The following ADCY3 variants were observed in gnomAD, a reference collection of about 807,000 sequenced individuals.
ADCY3 encodes adenylate cyclase 3.
ADCY3 carries 70 observed loss-of-function variants against 119.4 expected under a neutral mutation model. The observed-to-expected ratio is 0.59, with a 90% CI of 0.48 to 0.72. The LOEUF is 0.72. ADCY3 is among the 30% of genes least tolerant of loss of function. ADCY3 has a pLI of 0.00. For synonymous variants in ADCY3, 672 were observed against 621.4 expected, an observed-to-expected ratio of 1.08 and a Z score of -1.21; for missense variants, 1,238 against 1,541.6, an observed-to-expected ratio of 0.80 and a Z score of 3.30.
chr2:24,881,259 C>A (rs1490155753), intron 2 of ADCY3, among the ~76,000 whole-genome samples: 3 of 152,206 alleles, frequency 2.0e-5, no homozygotes, highest in African/African-American at 7.2e-5. Flanking sequence ...GCCATCCCAG[C>A]CCAGATCAGC....
At chr2:24,879,781 T>G (rs1274496433) in intron 2 of ADCY3, among the ~76,000 whole-genome samples, 1 of 152,090 alleles carries the variant, frequency 6.6e-6, no homozygotes, top group Non-Finnish European at 1.5e-5. Flanking sequence ...CTCCCCTCCC[T>G]CAATACGATC....
At chr2:24,879,812 G>A (rs1159781482) in intron 2 of ADCY3, among the ~76,000 whole-genome samples, 1 of 152,028 alleles carries the variant, frequency 6.6e-6, no homozygotes, top group Non-Finnish European at 1.5e-5. Flanking sequence ...AACTGTGATG[G>A]GTGTCTGCCA....
At chr2:24,913,431 A>C (rs954314521) in intron 2 of ADCY3, among the ~76,000 whole-genome samples, 2 of 152,200 alleles carry the variant, frequency 1.3e-5, no homozygotes, top group Non-Finnish European at 2.9e-5. Flanking sequence ...ATTTGGGGGC[A>C]GCCAGAAAAG....
chr2:24,829,492 C>G (rs1256710287), intron 13 of ADCY3, among the ~76,000 whole-genome samples: 2 of 139,998 alleles, frequency 1.4e-5, no homozygotes, highest in Non-Finnish European at 3.0e-5. Flanking sequence ...ACAATCTCGG[C>G]TCACTGCAAG....
chr2:24,866,884 T>C (rs1674379179), intron 3 of ADCY3, among the ~76,000 whole-genome samples: 1 of 152,038 alleles, frequency 6.6e-6, no homozygotes, highest in South Asian at 2.1e-4. Flanking sequence ...ATCAAAACAT[T>C]GTCTGAAGTG....
chr2:24,903,390 G>A (rs961559308), intron 2 of ADCY3, among the ~76,000 whole-genome samples: 15 of 151,852 alleles, frequency 9.9e-5, no homozygotes, highest in African/African-American at 2.9e-4. Flanking sequence ...CGTCTGTCTC[G>A]ATCTCCTCAG....
In ADCY3 at chr2:24,849,463, T is replaced by A. The variant is rs528564601; in HGVS notation, c.826-7079A>T. Among the ~76,000 whole-genome samples the A allele has an allele frequency of 5.9e-5, 9 of 151,818 alleles. No homozygotes were observed. In the East Asian group the frequency reaches 1.6e-3, roughly 26 times the overall value. On this transcript the variant is annotated intron_variant, in intron 3 of 21. Transcript: ENST00000679454. ...GCGGCCGTGAGCTTCTCTCTGGGGGTGGGACAGGGGGAATTTCCATTTTTT... is the reference window on the plus strand; with the variant it reads ...GCGGCCGTGAGCTTCTCTCTGGGGGAGGGACAGGGGGAATTTCCATTTTTT...
At chr2:24,821,162 C>T in intron 20 of ADCY3, 1 of 439,018 alleles carries the variant, frequency 2.3e-6, no homozygotes, top group East Asian at 4.3e-5. Flanking sequence ...GTAGAAGCAG[C>T]AGGTGATCTT....
rs182429048 is a variant in ADCY3 at position 24,820,311 on chromosome 2, G to T, written c.3253-197C>A. 141 of 1,300,978 alleles carry T rather than the reference G, an allele frequency of 1.1e-4. No homozygotes were observed. The East Asian group carries it at 4.0e-3, about 37-fold the overall frequency. 80.6% of individuals were successfully genotyped at this position (1,300,978 alleles called of 1,614,324 possible). On this transcript the variant is annotated intron_variant, in intron 21 of 21. Transcript: ENST00000679454. ...GGGAAGGAGAACCCTGGAGTGACTG[G>T]CTGGGGGCCTCCTCTCATCCAGAGA...
At chr2:24,857,247 C>T (rs1572904720) in intron 3 of ADCY3, among the ~76,000 whole-genome samples, 1 of 152,262 alleles carries the variant, frequency 6.6e-6, no homozygotes, top group South Asian at 2.1e-4. Context: ...AAGGTGACTG[C>T]AGTCTCAGGA....
intron 20 of ADCY3, 200 bp from the exon 21 acceptor site, chr2:24,821,048 C>CA: frequency 5.7e-5 from 12 of 210,332 alleles, no homozygotes; most frequent in Non-Finnish European, 8.8e-5. Flanking sequence ...TCAGCCGCCA[C>CA]CCCCCCCCCA....
chr2:24,908,217 G>A (rs1008317535), intron 2 of ADCY3, among the ~76,000 whole-genome samples: 5 of 151,946 alleles, frequency 3.3e-5, no homozygotes, highest in Non-Finnish European at 5.9e-5. Flanking sequence ...AGCTACTCGG[G>A]AAGGCTGAGG....
chr2:24,872,243 GA>G lies in ADCY3; in HGVS notation c.825+326del, dbSNP rs1393628397. Among the ~76,000 whole-genome samples the G allele has an allele frequency of 5.3e-5, 8 of 152,226 alleles. No individual in the cohort carries two copies. The highest frequency in any genetic ancestry group is 2.6e-4 in the Admixed American group (4 of 15,282). On this transcript the variant is annotated intron_variant, in intron 3 of 21. Transcript: ENST00000679454. This position sits in a 1 kb window ranked among gnomAD's most constrained non-coding sequence, Gnocchi z 4.4. ...AAGGTCATCTGAGAAAGGAATGCAG[GA>G]AGTCATAGCTGGCTGCTTGGGCAAT...
intron 2 of ADCY3, among the ~76,000 whole-genome samples, chr2:24,914,715 T>G (rs1374452821): frequency 6.7e-6 from 1 of 150,064 alleles, no homozygotes. Flanking sequence ...AGGCAGGGGC[T>G]AGAGGATGGG....
Position 24,878,582 on chromosome 2 carries a change from C to T in ADCY3, c.676-5863G>A, listed in dbSNP as rs773838400. ...CTGGAGGCCAGCCGCACGGGAAACT[C>T]GTCATTAAAACTTACTCAGATGCTT... On this transcript the variant is annotated intron_variant, in intron 2 of 21. Coordinates refer to ENST00000679454, the MANE Select transcript of ADCY3 (RefSeq NM_004036.5). The surrounding 1 kb of genome is among the most constrained non-coding windows in gnomAD (Gnocchi z 4.0). Among the ~76,000 whole-genome samples the T allele has an allele frequency of 9.9e-5, 15 of 151,936 alleles. No homozygotes were observed. The highest frequency in any genetic ancestry group is 2.1e-4 in the Non-Finnish European group (14 of 68,000).
chr2:24,874,083 T>G (rs7567997), intron 2 of ADCY3, among the ~76,000 whole-genome samples: 1 of 151,998 alleles, frequency 6.6e-6, no homozygotes, highest in East Asian at 1.9e-4. Context: ...TATGCCATAT[T>G]CCCTGAACTG....
At position 24,872,096 on chromosome 2, in the gene ADCY3, G is replaced by T. The variant is rs1303891516; in HGVS notation, c.825+474C>A. Among the ~76,000 whole-genome samples the T allele has an allele frequency of 6.6e-6, 1 of 152,212 alleles. No individual in the cohort carries two copies. The highest frequency in any genetic ancestry group is 6.5e-5 in the Admixed American group (1 of 15,280). Reference sequence around the variant, plus strand: ...CCCTGAGGCCGCAGGATGGGTCAAGGCCCCACCCACGGCATGAGCAGGTGC... The same window carrying T: ...CCCTGAGGCCGCAGGATGGGTCAAGTCCCCACCCACGGCATGAGCAGGTGC... On this transcript the variant is annotated intron_variant, in intron 3 of 21. Coordinates refer to ENST00000679454, the MANE Select transcript of ADCY3 (RefSeq NM_004036.5). The surrounding 1 kb of genome is among the most constrained non-coding windows in gnomAD (Gnocchi z 4.4).
rs148212742 is a variant in ADCY3, at chr2:24,842,418, T to A, written c.826-34A>T. The A allele has an allele frequency of 7.7e-4, 1,237 of 1,613,152 alleles. 5 individuals are homozygous for A. Among genetic ancestry groups the A allele is most frequent in the Middle Eastern group, 4.8e-3 (29 of 6,054 alleles). ...GGCAGGAGAGGGTCAGAGGCAAAGG[T>A]AGGCCCTGCTAGAGGCAAGTTCAGA... On this transcript the variant is annotated intron_variant, in intron 3 of 21. Coordinates refer to ENST00000679454, the MANE Select transcript of ADCY3 (RefSeq NM_004036.5). This position sits in a 1 kb window ranked among gnomAD's most constrained non-coding sequence, Gnocchi z 4.9.
chr2:24,887,681 C>T (rs1194684253), intron 2 of ADCY3, among the ~76,000 whole-genome samples: 1 of 152,132 alleles, frequency 6.6e-6, no homozygotes, highest in Non-Finnish European at 1.5e-5. Flanking sequence ...GGCAGGAAAG[C>T]ATGGCGGTGA....
Sources: gnomAD v4.1 joint callset for allele counts (sites outside exome capture counted in the v4.1 genomes callset) on GRCh38, gnomAD v4.1.1 for gene constraint, Gnocchi (gnomAD v3.1) non-coding constraint, MANE v1.5 for transcripts, NCBI Gene and HGNC (gene_info 2026-07-23, HGNC 2026-07-21) for gene names.